Variants in CDKL1 observed in about 807,000 individuals in gnomAD.
CDKL1 encodes the protein cyclin dependent kinase like 1, also known as cyclin-dependent kinase-like 1.
A neutral mutation model predicts 42.0 loss-of-function variants in CDKL1; 41 were observed. The ratio of observed to expected loss-of-function variants is 0.98; its 90% CI spans 0.76 to 1.27. The LOEUF is 1.27. Ranked by LOEUF, CDKL1 falls within the 50% of genes most tolerant of loss-of-function variation. The pLI is 0.00. For synonymous variants in CDKL1, 153 were observed against 158.6 expected, an observed-to-expected ratio of 0.96 and a Z score of 0.26; for missense variants, 394 against 428.4, an observed-to-expected ratio of 0.92 and a Z score of 0.71.
chr14:50,377,536 G>A (rs753860221), intron 2 of CDKL1: 27 of 1,293,996 alleles, frequency 2.1e-5, no homozygotes, highest in Non-Finnish European at 2.4e-5. Flanking sequence ...TAAGACCATT[G>A]GTACCTGAAG....
chr14:50,366,307 A>G (rs1224917545), intron 2 of CDKL1, among the ~76,000 whole-genome samples: 4 of 152,172 alleles, frequency 2.6e-5, no homozygotes, highest in Admixed American at 2.6e-4. Context: ...TGACCAAACC[A>G]AGGGCAGGGG....
intron 2 of CDKL1, among the ~76,000 whole-genome samples, chr14:50,384,514 C>T (rs1410399930): frequency 6.6e-6 from 1 of 151,952 alleles, no homozygotes; most frequent in Non-Finnish European, 1.5e-5. Flanking sequence ...GGACATCTGT[C>T]AGGACACAGG....
chr14:50,363,360 G>A (rs945705882), intron 2 of CDKL1: 1 of 160,508 alleles, frequency 6.2e-6, no homozygotes, highest in Non-Finnish European at 1.4e-5. Context: ...CCCTTAGCCT[G>A]AACTAACATT....
Position 50,338,567 on chromosome 14 carries a change from G to T in CDKL1, c.738+380C>A, listed in dbSNP as rs1595267872. On this transcript the variant is annotated intron_variant, in intron 7 of 9. Coordinates refer to ENST00000395834, the MANE Select transcript of CDKL1 (RefSeq NM_004196.7). ...TCATTATGATTTTTCCCATGGTCTG[G>T]AGACCATGGGCATAGTAGAGTAGGG... Among the ~76,000 whole-genome samples the T allele has an allele frequency of 2.0e-5, 3 of 152,232 alleles. 1 individual carries two copies. Among genetic ancestry groups the T allele is most frequent in the Non-Finnish European group, 4.4e-5 (3 of 68,002 alleles).
At chr14:50,361,828 T>A (rs2034257944) in intron 2 of CDKL1, among the ~76,000 whole-genome samples, 1 of 152,226 alleles carries the variant, frequency 6.6e-6, no homozygotes, top group African/African-American at 2.4e-5. Context: ...CTCGGCGCCT[T>A]CTCTATCTGG....
At chr14:50,344,220 G>T (rs899987818) in intron 4 of CDKL1, among the ~76,000 whole-genome samples, 1 of 152,160 alleles carries the variant, frequency 6.6e-6, no homozygotes, top group Non-Finnish European at 1.5e-5. Context: ...TCGATAGGTT[G>T]CTTGGTTCGA....
chr14:50,363,038 C>G (rs1161928607), intron 2 of CDKL1: 2 of 438,818 alleles, frequency 4.6e-6, no homozygotes, highest in African/African-American at 4.0e-5. Flanking sequence ...CACGAACCCA[C>G]TGGGAGGAAA....
At chr14:50,363,271 C>T (rs1030341398) in intron 2 of CDKL1, 1 of 191,964 alleles carries the variant, frequency 5.2e-6, no homozygotes, top group Non-Finnish European at 1.1e-5. Flanking sequence ...AAGAACCCAC[C>T]AATTCCAGAC....
At chr14:50,380,802 C>CTTTGTTTTTGTTTTTTTTTTTTTTT (rs368170212) in intron 2 of CDKL1, among the ~76,000 whole-genome samples, 1 of 134,596 alleles carries the variant, frequency 7.4e-6, no homozygotes, top group African/African-American at 2.7e-5. Context: ...CTGTGACTTC[C>CTTTGTTTTTGTTTTTTTTTTTTTTT]TTTTTTTTTT....
chr14:50,395,089 T>C (rs1314426846), intron 2 of CDKL1, among the ~76,000 whole-genome samples: 4 of 152,236 alleles, frequency 2.6e-5, no homozygotes, highest in Non-Finnish European at 5.9e-5. Flanking sequence ...GTAATGAGAA[T>C]CTGTGAGCTT....
chr14:50,379,916 T>C (rs1290149750), intron 2 of CDKL1, among the ~76,000 whole-genome samples: 1 of 152,170 alleles, frequency 6.6e-6, no homozygotes, highest in African/African-American at 2.4e-5. Flanking sequence ...CTCAGACCTT[T>C]CAAGGGCTGT....
chr14:50,396,400 T>TA (rs1044369987), intron 1 of CDKL1, 71 bp from the exon 2 acceptor site: 6 of 985,264 alleles, frequency 6.1e-6, no homozygotes, highest in Non-Finnish European at 7.2e-6. Context: ...CGATCAGGAG[T>TA]AACAGCCTAG....
At chr14:50,354,198 G>A (rs896763592) in intron 3 of CDKL1, among the ~76,000 whole-genome samples, 2 of 151,996 alleles carry the variant, frequency 1.3e-5, no homozygotes, top group African/African-American at 2.4e-5. Flanking sequence ...TAAGTGATCC[G>A]CCTACCTCGG....
intron 2 of CDKL1, among the ~76,000 whole-genome samples, chr14:50,387,532 A>C (rs1263649397): frequency 6.6e-6 from 1 of 151,992 alleles, no homozygotes; most frequent in Non-Finnish European, 1.5e-5. Flanking sequence ...TCAAAAAAAA[A>C]AAAGACTGAA....
At chr14:50,331,480 G>A (rs2139353496) in intron 9 of CDKL1, 1 of 154,130 alleles carries the variant, frequency 6.5e-6, no homozygotes, top group South Asian at 2.0e-4. Context: ...GTTCCTCATG[G>A]ACCTTTTTCA....
chr14:50,329,036 C>CATATATATAT lies in CDKL1; in HGVS notation c.*1028_*1037dup, dbSNP rs57657571. The CATATATATAT allele has an allele frequency of 8.1e-4, 114 of 140,564 alleles. No individual in the cohort carries two copies. Among genetic ancestry groups the CATATATATAT allele is most frequent in the African/African-American group, 1.3e-3 (50 of 38,086 alleles). 8.7% of individuals were successfully genotyped at this position (140,564 alleles called of 1,614,324 possible). ...TGTAATATATTAGTTGTTAGAATAGCATATATATATATATATATATATATA... is the reference window on the plus strand; with the variant it reads ...TGTAATATATTAGTTGTTAGAATAGCATATATATATATATATATATATATATATATATATA... On this transcript the variant is annotated 3_prime_UTR_variant, in exon 10 of 10. Transcript: ENST00000395834.
At chr14:50,335,558 A>G (rs1402313023) in intron 7 of CDKL1, 2 of 1,536,088 alleles carry the variant, frequency 1.3e-6, no homozygotes, top group East Asian at 2.4e-5. Flanking sequence ...ATCAGGAATA[A>G]CACTATAAAT....
At chr14:50,383,470 A>G (rs2034981462) in intron 2 of CDKL1, among the ~76,000 whole-genome samples, 1 of 151,554 alleles carries the variant, frequency 6.6e-6, no homozygotes, top group Non-Finnish European at 1.5e-5. Flanking sequence ...GAATCGCTTG[A>G]ACCTGCGGGG....
intron 3 of CDKL1, among the ~76,000 whole-genome samples, chr14:50,350,021 TG>T (rs1176879152): frequency 6.6e-6 from 1 of 152,184 alleles, no homozygotes; most frequent in African/African-American, 2.4e-5. Context: ...TCAGGTAATC[TG>T]CCTGCCTTGG....
Sources: allele counts gnomAD v4.1 joint callset (sites outside exome capture counted in the v4.1 genomes callset), GRCh38; gene constraint gnomAD v4.1.1; transcripts MANE v1.5; gene names NCBI Gene and HGNC (gene_info 2026-07-23, HGNC 2026-07-21).